The following COL5A2 variants were observed in gnomAD, a reference collection of about 807,000 sequenced individuals.
COL5A2 encodes collagen type V alpha 2 chain.
Under a neutral mutation model 208.2 loss-of-function variants are expected in COL5A2, and 23 were observed. The observed-to-expected ratio is 0.11, with a 90% CI of 0.08 to 0.16. The LOEUF is 0.16. COL5A2 is among the 10% of genes least tolerant of loss of function. COL5A2 has a pLI of 1.00. For synonymous variants in COL5A2, 625 were observed against 628.5 expected (o/e 0.99, Z 0.08); for missense variants, 1,590 against 1,956.4 (o/e 0.81, Z 3.53).
the COL5A2 span, among the ~76,000 whole-genome samples, chr2:189,257,431 A>C: frequency 6.6e-6 from 1 of 152,232 alleles, no homozygotes; most frequent in Non-Finnish European, 1.5e-5. Context: ...TTAATATTTT[A>C]AGATATATCT....
the COL5A2 span, among the ~76,000 whole-genome samples, chr2:189,437,604 T>C: frequency 1.3e-5 from 2 of 152,218 alleles, no homozygotes; most frequent in African/African-American, 4.8e-5. Flanking sequence ...CATAACCCGC[T>C]TGTGATAATC....
At chr2:189,260,130 T>C in the COL5A2 span, among the ~76,000 whole-genome samples, 2 of 152,228 alleles carry the variant, frequency 1.3e-5, no homozygotes, top group Non-Finnish European at 2.9e-5. Flanking sequence ...TTTTAAACTT[T>C]GTTGTATTAT....
chr2:189,370,611 T>C, the COL5A2 span, among the ~76,000 whole-genome samples: 1 of 151,448 alleles, frequency 6.6e-6, no homozygotes, highest in Non-Finnish European at 1.5e-5. Context: ...TATAACCACA[T>C]ACAATCATAC....
At chr2:189,342,510 C>CATATA in the COL5A2 span, among the ~76,000 whole-genome samples, 6 of 147,160 alleles carry the variant, frequency 4.1e-5, no homozygotes, top group Non-Finnish European at 4.5e-5. Context: ...TGTATATATA[C>CATATA]ATATATATAA....
intron 1 of COL5A2, among the ~76,000 whole-genome samples, chr2:189,191,971 G>A (rs920208077): frequency 1.3e-5 from 2 of 151,632 alleles, no homozygotes; most frequent in African/African-American, 4.8e-5. Flanking sequence ...GCTTCCAAAA[G>A]ACATAGCTCA....
chr2:189,226,030 A>G (rs879317967), upstream of COL5A2, among the ~76,000 whole-genome samples: 1 of 152,168 alleles, frequency 6.6e-6, no homozygotes, highest in Admixed American at 6.6e-5. Context: ...ACAAAATTGG[A>G]AAACAAAGGC....
chr2:189,086,847 C>A, intron 8 of COL5A2, 77 bp from the exon 9 acceptor site: 1 of 1,254,548 alleles, frequency 8.0e-7, no homozygotes. Context: ...GTTGAATCAT[C>A]TCTAGAATCT....
At chr2:189,401,374 G>A in the COL5A2 span, among the ~76,000 whole-genome samples, 3 of 152,228 alleles carry the variant, frequency 2.0e-5, no homozygotes, top group African/African-American at 4.8e-5. Context: ...CTCCATCCAC[G>A]TCCCTGCAAA....
chr2:189,058,255 C>T (rs948030564), intron 33 of COL5A2, among the ~76,000 whole-genome samples, 174 bp downstream of exon 33: 1 of 152,136 alleles, frequency 6.6e-6, no homozygotes, highest in Admixed American at 6.5e-5. Context: ...TTAGCTGACA[C>T]TTTAGTTGCA....
intron 1 of COL5A2, among the ~76,000 whole-genome samples, chr2:189,224,436 C>T (rs1043273466): frequency 1.4e-4 from 21 of 152,072 alleles, no homozygotes; most frequent in African/African-American, 4.8e-4. Flanking sequence ...CGCCTGTAAT[C>T]CCAGTACCTT....
At chr2:189,333,030 CA>C in the COL5A2 span, among the ~76,000 whole-genome samples, 1 of 152,130 alleles carries the variant, frequency 6.6e-6, no homozygotes, top group Non-Finnish European at 1.5e-5. Context: ...AATGAAAATA[CA>C]ACACATCAGT....
chr2:189,434,752 C>A, the COL5A2 span, among the ~76,000 whole-genome samples: 1 of 152,068 alleles, frequency 6.6e-6, no homozygotes, highest in African/African-American at 2.4e-5. Context: ...CCATACTGCC[C>A]AAGGTAATTT....
At chr2:189,197,220 G>A (rs1689013732) in intron 1 of COL5A2, among the ~76,000 whole-genome samples, 1 of 152,088 alleles carries the variant, frequency 6.6e-6, no homozygotes, top group Non-Finnish European at 1.5e-5. Flanking sequence ...CTCATAAGTG[G>A]GAGTTGAACA....
the COL5A2 span, among the ~76,000 whole-genome samples, chr2:189,282,763 T>G: frequency 6.6e-6 from 1 of 152,166 alleles, no homozygotes; most frequent in African/African-American, 2.4e-5. Context: ...GGTCATTGAT[T>G]TTGATCTGTG....
the COL5A2 span, among the ~76,000 whole-genome samples, chr2:189,364,779 G>C: frequency 6.6e-6 from 1 of 152,008 alleles, no homozygotes; most frequent in Non-Finnish European, 1.5e-5. Flanking sequence ...CAAAATACTT[G>C]ACCAGTATTC....
intron 8 of COL5A2, among the ~76,000 whole-genome samples, chr2:189,087,693 TCC>T (rs372254260): frequency 0.13 from 19,741 of 150,250 alleles, 1,325 homozygotes; most frequent in Middle Eastern, 0.19. Flanking sequence ...GGTCTCAATC[TCC>T]TGACCTTGTG....
chr2:189,268,131 T>C, the COL5A2 span, among the ~76,000 whole-genome samples: 1 of 152,256 alleles, frequency 6.6e-6, no homozygotes, highest in Non-Finnish European at 1.5e-5. Flanking sequence ...CCCATACTCT[T>C]TGAGTCACAG....
At chr2:189,050,503 A>G in intron 43 of COL5A2, 66 bp downstream of exon 43, 1 of 1,317,724 alleles carries the variant, frequency 7.6e-7, no homozygotes, top group Non-Finnish European at 1.1e-6. Flanking sequence ...AAAAAAATAA[A>G]ATCAATTCTC....
chr2:189,335,584 T>C, the COL5A2 span, among the ~76,000 whole-genome samples: 1 of 152,218 alleles, frequency 6.6e-6, no homozygotes, highest in South Asian at 2.1e-4. Context: ...TGAATGAATT[T>C]TAAATGTAGT....
Sources: allele counts gnomAD v4.1 joint callset (sites outside exome capture counted in the v4.1 genomes callset), GRCh38; gene constraint gnomAD v4.1.1; transcripts MANE v1.5; gene names NCBI Gene and HGNC (gene_info 2026-07-23, HGNC 2026-07-21).